Variants in PPP4R2 observed in about 807,000 individuals in gnomAD.
The protein encoded by PPP4R2 is protein phosphatase 4 regulatory subunit 2, also known as serine/threonine-protein phosphatase 4 regulatory subunit 2.
In PPP4R2, 13 loss-of-function variants were observed where a neutral mutation model predicts 47.2. The ratio of observed to expected loss-of-function variants is 0.28; its 90% CI spans 0.18 to 0.44. The LOEUF (loss-of-function observed/expected upper bound fraction) is 0.44, where lower values mean the gene tolerates loss of function less well. Among genes scored for constraint, PPP4R2 ranks in the 20% least tolerant of loss-of-function variants. The pLI is 1.00. For missense variants in PPP4R2, 421 were observed against 491.2 expected (o/e 0.86, Z 1.35); for synonymous variants, 151 against 163.3 (o/e 0.92, Z 0.57).
At chr3:73,007,180 A>G (rs1383381150) in intron 2 of PPP4R2, among the ~76,000 whole-genome samples, 1 of 152,208 alleles carries the variant, frequency 6.6e-6, no homozygotes, top group Non-Finnish European at 1.5e-5. Context: ...CAGGCAATAC[A>G]TAGGAAACTC....
At chr3:73,012,024 T>C (rs1166427923) in intron 2 of PPP4R2, among the ~76,000 whole-genome samples, 1 of 152,168 alleles carries the variant, frequency 6.6e-6, no homozygotes, top group African/African-American at 2.4e-5. Context: ...GAGGTAGCTT[T>C]CTATCAACTA....
intron 2 of PPP4R2, among the ~76,000 whole-genome samples, chr3:73,032,506 C>T (rs1702185531): frequency 6.6e-6 from 1 of 152,140 alleles, no homozygotes; most frequent in South Asian, 2.1e-4. Flanking sequence ...CCAGGATGGT[C>T]TTGATTTCCT....
rs1237917436 is a variant in PPP4R2 at position 73,065,122 on chromosome 3, G to A, written c.909G>A (p.Glu303=). 1.2e-6 allele frequency: 2 copies of A among 1,609,146 alleles called. No individual in the cohort carries two copies. The highest frequency in any genetic ancestry group is 1.7e-6 in the Non-Finnish European group (2 of 1,178,054). Residue 303 remains glutamate (E), a synonymous_variant, in exon 8 of 9, where the codon GAG becomes GAA. Coordinates refer to ENST00000356692, the MANE Select transcript of PPP4R2 (RefSeq NM_174907.4). ...RQHCTEEDEE[E]DEEEEEESFM... ...ACTGTACAGAAGAGGATGAAGAAGA[G>A]GATGAAGAGGAAGAAGAAGGTATTT...
intron 7 of PPP4R2, 96 bp from the exon 8 acceptor site, chr3:73,064,756 G>A: frequency 9.0e-7 from 1 of 1,116,734 alleles, no homozygotes; most frequent in South Asian, 1.6e-5. Flanking sequence ...CTTTGACACT[G>A]AAATACAATT....
At chr3:73,047,537 TAAA>T (rs1002983397) in intron 3 of PPP4R2, among the ~76,000 whole-genome samples, 181 bp downstream of exon 3, 5 of 152,230 alleles carry the variant, frequency 3.3e-5, no homozygotes, top group Admixed American at 1.3e-4. Flanking sequence ...TGTAGCCTCT[TAAA>T]AAACTTGAAC....
intron 3 of PPP4R2, among the ~76,000 whole-genome samples, chr3:73,051,629 T>G (rs1035023019): frequency 2.0e-5 from 3 of 152,168 alleles, no homozygotes; most frequent in Non-Finnish European, 4.4e-5. Flanking sequence ...CAAGTTTGTT[T>G]GTTTGTTTGG....
chr3:73,015,003 C>A, intron 2 of PPP4R2: 1 of 672,162 alleles, frequency 1.5e-6, no homozygotes, highest in Non-Finnish European at 2.7e-6. Flanking sequence ...CTCACCCAGT[C>A]GTAATTTTTT....
At chr3:73,052,110 A>G (rs1229454396) in intron 3 of PPP4R2, among the ~76,000 whole-genome samples, 2 of 152,174 alleles carry the variant, frequency 1.3e-5, no homozygotes, top group Non-Finnish European at 2.9e-5. Context: ...GCGTGGATGG[A>G]TAAATGAATG....
intron 2 of PPP4R2, among the ~76,000 whole-genome samples, chr3:73,012,352 T>C (rs553605681): frequency 5.9e-5 from 9 of 152,106 alleles, no homozygotes; most frequent in Non-Finnish European, 1.2e-4. Flanking sequence ...CAGGCTGGAG[T>C]GCAGCGGCGC....
intron 3 of PPP4R2, among the ~76,000 whole-genome samples, chr3:73,055,829 A>G (rs1559566476): frequency 6.6e-6 from 1 of 150,990 alleles, no homozygotes; most frequent in Non-Finnish European, 1.5e-5. Flanking sequence ...TGGTTCTTGA[A>G]CTCCTGACCT....
rs546614810 is a variant in PPP4R2 at position 73,068,640 on chromosome 3, G to A, written c.*2918G>A. The A allele has an allele frequency of 6.6e-6, 1 of 152,226 alleles. No individual in the cohort carries two copies. The highest frequency in any genetic ancestry group is 6.5e-5 in the Admixed American group (1 of 15,280). 9.4% of individuals were successfully genotyped at this position (152,226 alleles called of 1,614,324 possible). Reference sequence around the variant, plus strand: ...CATCCCAGAAATCCTCGGCCAGAAGGTGTGGCTTGTTAAAGCATTGAGATT... The same window carrying A: ...CATCCCAGAAATCCTCGGCCAGAAGATGTGGCTTGTTAAAGCATTGAGATT... On this transcript the variant is annotated 3_prime_UTR_variant, in exon 9 of 9. Coordinates refer to ENST00000356692, the MANE Select transcript of PPP4R2 (RefSeq NM_174907.4).
chr3:73,002,151 C>T (rs1575834676), intron 2 of PPP4R2, among the ~76,000 whole-genome samples: 1 of 152,180 alleles, frequency 6.6e-6, no homozygotes, highest in Non-Finnish European at 1.5e-5. Flanking sequence ...CCTATAGTTC[C>T]ATCCATGTTG....
chr3:73,036,516 G>T (rs1437417421), intron 2 of PPP4R2, among the ~76,000 whole-genome samples: 1 of 152,150 alleles, frequency 6.6e-6, no homozygotes, highest in Non-Finnish European at 1.5e-5. Context: ...GTATAATTAT[G>T]TATCAGTACA....
intron 4 of PPP4R2, among the ~76,000 whole-genome samples, chr3:73,060,731 C>G (rs1464171831): frequency 6.6e-6 from 1 of 151,984 alleles, no homozygotes; most frequent in African/African-American, 2.4e-5. Flanking sequence ...AGCTTAGTTA[C>G]TCTACTACGT....
intron 3 of PPP4R2, among the ~76,000 whole-genome samples, chr3:73,053,247 C>G (rs749124698): frequency 6.8e-6 from 1 of 147,500 alleles, no homozygotes. Flanking sequence ...CAAACCCACA[C>G]CCACCCACCC....
intron 2 of PPP4R2, among the ~76,000 whole-genome samples, chr3:73,007,752 G>A (rs1410128029): frequency 6.6e-6 from 1 of 152,210 alleles, no homozygotes; most frequent in African/African-American, 2.4e-5. Flanking sequence ...GCTTCCCGAA[G>A]TGCTGGGATA....
At position 73,014,158 on chromosome 3, in the gene PPP4R2, A is replaced by G. The variant is rs1186650704; in HGVS notation, c.116+16000A>G. Among the ~76,000 whole-genome samples the G allele has an allele frequency of 5.4e-5, 7 of 130,724 alleles. 1 individual carries two copies. The East Asian group carries it at 5.9e-4, about 11-fold the overall frequency. The allele number at this position is 130,724 out of a possible 152,430, so 85.8% of individuals were successfully genotyped here. A position where few individuals can be genotyped will look rare whatever the true frequency, so the allele number is the denominator to read the frequency against. On this transcript the variant is annotated intron_variant, in intron 2 of 8. Transcript: ENST00000356692. ...TGGGTTCATGATTATGTACGTTACTATGTTTGACAGATACTGCCAGCTGGC... is the reference window on the plus strand; with the variant it reads ...TGGGTTCATGATTATGTACGTTACTGTGTTTGACAGATACTGCCAGCTGGC...
At chr3:73,046,868 G>T (rs1702496990) in intron 2 of PPP4R2, among the ~76,000 whole-genome samples, 1 of 152,200 alleles carries the variant, frequency 6.6e-6, no homozygotes, top group Non-Finnish European at 1.5e-5. Flanking sequence ...TGTTATGAGT[G>T]AAAGAGTCAA....
At chr3:73,036,827 T>A (rs1459680238) in intron 2 of PPP4R2, among the ~76,000 whole-genome samples, 3 of 152,036 alleles carry the variant, frequency 2.0e-5, no homozygotes, top group Non-Finnish European at 4.4e-5. Context: ...TATATAAAAT[T>A]ACACAAAATA....
Sources: gnomAD v4.1 joint callset for allele counts (sites outside exome capture counted in the v4.1 genomes callset) on GRCh38, gnomAD v4.1.1 for gene constraint, MANE v1.5 for transcripts, NCBI Gene and HGNC (gene_info 2026-07-23, HGNC 2026-07-21) for gene names.